The following ATPAF2 variants were observed in gnomAD, a reference collection of about 807,000 sequenced individuals.
ATPAF2 encodes the protein ATP synthase mitochondrial F1 complex assembly factor 2.
Under a neutral mutation model 36.6 loss-of-function variants are expected in ATPAF2, and 30 were observed. The observed-to-expected ratio is 0.82, with a 90% CI of 0.61 to 1.11. The LOEUF is 1.11. ATPAF2 is among the 50% of genes most tolerant of loss of function. The probability of loss-of-function intolerance (pLI) is 0.00; values close to 1 mark genes in which losing one functional copy is unlikely to be tolerated. For missense variants in ATPAF2, 321 were observed against 372.3 expected (o/e 0.86, Z 1.13); for synonymous variants, 140 against 152.6 (o/e 0.92, Z 0.61).
chr17:18,025,104 C>T (rs1597669579), intron 4 of ATPAF2: 3 of 340,806 alleles, frequency 8.8e-6, no homozygotes, highest in African/African-American at 4.3e-5. Flanking sequence ...AACTGCAACC[C>T]TGGGTCCACA....
intron 3 of ATPAF2, among the ~76,000 whole-genome samples, chr17:18,027,640 G>C (rs2044567020): frequency 6.6e-6 from 1 of 152,144 alleles, no homozygotes; most frequent in African/African-American, 2.4e-5. Flanking sequence ...AGTGTAGCTG[G>C]GCCCTTCCTT....
At chr17:18,023,682 T>G (rs1048347042) in intron 5 of ATPAF2, among the ~76,000 whole-genome samples, 2 of 152,240 alleles carry the variant, frequency 1.3e-5, no homozygotes, top group African/African-American at 4.8e-5. Context: ...CTTTGCCTTC[T>G]CTTTTAAGAC....
chr17:18,015,795 C>G (rs1353121798), downstream of ATPAF2: 1 of 367,678 alleles, frequency 2.7e-6, no homozygotes, highest in Non-Finnish European at 5.1e-6. Flanking sequence ...TGCCTTCACC[C>G]TGGAGGAAAC....
At chr17:18,029,879 TAAAAA>T (rs771131818) in intron 1 of ATPAF2, among the ~76,000 whole-genome samples, 5 of 53,208 alleles carry the variant, frequency 9.4e-5, no homozygotes, top group Admixed American at 5.0e-4. Context: ...CCTTTAACGC[TAAAAA>T]AAAAAAAAAA....
chr17:18,039,078 A>G lies in ATPAF2; in HGVS notation c.-65T>C. ...GGAGCAGGAAACACAGAGCGATGGG[A>G]TCCCCAAAGCCGCACGGTCGGGCTG... On this transcript the variant is annotated 5_prime_UTR_variant, in exon 1 of 8. Coordinates refer to ENST00000474627, the MANE Select transcript of ATPAF2 (RefSeq NM_145691.4). The surrounding 1 kb of genome is among the most constrained non-coding windows in gnomAD (Gnocchi z 5.3). The G allele has an allele frequency of 1.9e-6, 3 of 1,549,472 alleles. No homozygotes were observed. Among genetic ancestry groups the G allele is most frequent in the Non-Finnish European group, 2.6e-6 (3 of 1,147,328 alleles).
intron 1 of ATPAF2, among the ~76,000 whole-genome samples, chr17:18,030,419 A>T (rs902882194): frequency 6.8e-6 from 1 of 146,586 alleles, no homozygotes; most frequent in African/African-American, 2.5e-5. Flanking sequence ...AAGCAGGAAG[A>T]TTGCTTGAGC....
At chr17:18,022,916 G>A (rs1421147516) in intron 5 of ATPAF2, among the ~76,000 whole-genome samples, 1 of 151,996 alleles carries the variant, frequency 6.6e-6, no homozygotes, top group Non-Finnish European at 1.5e-5. Flanking sequence ...ACGAGGTCAG[G>A]AGATTGAGAC....
intron 7 of ATPAF2, among the ~76,000 whole-genome samples, chr17:18,019,477 CAAGT>C (rs2044437435): frequency 1.3e-5 from 2 of 152,278 alleles, no homozygotes; most frequent in Admixed American, 1.3e-4. Flanking sequence ...ATAACTAAAT[CAAGT>C]AAGGCCACGC....
intron 1 of ATPAF2, among the ~76,000 whole-genome samples, chr17:18,035,247 A>C (rs1458171911): frequency 6.6e-6 from 1 of 151,812 alleles, no homozygotes; most frequent in African/African-American, 2.4e-5. Flanking sequence ...AAAAAAAAAC[A>C]AAAAAAACCC....
intron 7 of ATPAF2, 98 bp downstream of exon 7, chr17:18,021,025 C>T: frequency 6.7e-7 from 1 of 1,496,904 alleles, no homozygotes; most frequent in Non-Finnish European, 8.9e-7. Context: ...GTAATAAAAG[C>T]CAAGTATGCA....
At chr17:18,016,232 A>G (rs1218029262), downstream of ATPAF2, 11 of 1,602,170 alleles carry the variant, frequency 6.9e-6, no homozygotes, top group African/African-American at 1.3e-5. Flanking sequence ...AGGCTGGATG[A>G]ACTTTTCTAG....
chr17:18,016,537 G>A (rs2044370404), downstream of ATPAF2: 1 of 1,532,822 alleles, frequency 6.5e-7, no homozygotes, highest in African/African-American at 1.4e-5. Context: ...TAAGGAATCG[G>A]GCTTTGGTTT....
At chr17:18,037,158 T>C (rs1039781126) in intron 1 of ATPAF2, among the ~76,000 whole-genome samples, 25 of 152,220 alleles carry the variant, frequency 1.6e-4, no homozygotes, top group African/African-American at 6.0e-4. Flanking sequence ...GTGTCCCCTT[T>C]GCTATGCCTC....
intron 1 of ATPAF2, among the ~76,000 whole-genome samples, chr17:18,036,954 C>T (rs1378519182): frequency 6.6e-6 from 1 of 152,090 alleles, no homozygotes; most frequent in Admixed American, 6.5e-5. Context: ...ACCTGTAATC[C>T]CAGCTACTTG....
chr17:18,022,551 C>G (rs552278544), intron 5 of ATPAF2, among the ~76,000 whole-genome samples: 38 of 150,594 alleles, frequency 2.5e-4, no homozygotes, highest in Non-Finnish European at 4.3e-4. Context: ...GTTGGGATTA[C>G]AGCCATGAGC....
intron 4 of ATPAF2, chr17:18,025,292 T>G (rs1395364782): frequency 1.1e-5 from 2 of 184,330 alleles, no homozygotes; most frequent in East Asian, 2.8e-4. Flanking sequence ...ATGCCAGACC[T>G]GATGGGACCA....
In ATPAF2 at chr17:18,018,256, A is replaced by T; in HGVS notation, c.*293T>A. Reference sequence around the variant, plus strand: ...AGAGGCATACGTGAAAACAGGGCTCAGCACATTTCCAGGGTGGAGAAATAT... The same window carrying T: ...AGAGGCATACGTGAAAACAGGGCTCTGCACATTTCCAGGGTGGAGAAATAT... On this transcript the variant is annotated 3_prime_UTR_variant, in exon 8 of 8. Transcript: ENST00000474627. 2.2e-6 allele frequency: 1 copy of T among 460,614 alleles called. No homozygotes were observed. The highest frequency in any genetic ancestry group is 4.4e-5 in the East Asian group (1 of 22,952). The allele number at this position is 460,614 out of a possible 1,614,324, so 28.5% of individuals were successfully genotyped here. A position where few individuals can be genotyped will look rare whatever the true frequency, so the allele number is the denominator to read the frequency against.
chr17:18,028,360 G>A lies in ATPAF2; in HGVS notation c.196C>T (p.Leu66=). The part of the protein sequence containing the change: ...TQGEGGFEIN[L]DHRKLKTPQA... ...GGAGTTTTCAGCTTCCTGTGGTCCA[G>A]GTTTATCTCAAAGCCACCTTGAAAG... Residue 66 remains leucine (L), a synonymous_variant, in exon 3 of 8, where the codon CTG becomes TTG. Transcript: ENST00000474627. 6.2e-7 allele frequency: 1 copy of A among 1,614,046 alleles called. No individual in the cohort carries two copies. The highest frequency in any genetic ancestry group is 8.5e-7 in the Non-Finnish European group (1 of 1,180,010).
chr17:18,032,135 G>A (rs1190770532), intron 1 of ATPAF2, among the ~76,000 whole-genome samples: 1 of 152,204 alleles, frequency 6.6e-6, no homozygotes, highest in African/African-American at 2.4e-5. Context: ...ACTGGGGAAA[G>A]GGTCTTCCCA....
Sources: allele counts gnomAD v4.1 joint callset (sites outside exome capture counted in the v4.1 genomes callset), GRCh38; gene constraint gnomAD v4.1.1; non-coding constraint Gnocchi (gnomAD v3.1); transcripts MANE v1.5; gene names NCBI Gene and HGNC (gene_info 2026-07-23, HGNC 2026-07-21).